Variants in KAZN observed in about 807,000 individuals in gnomAD.
The protein encoded by KAZN is kazrin.
KAZN carries 40 observed loss-of-function variants against 87.4 expected under a neutral mutation model. The ratio of observed to expected loss-of-function variants is 0.46; its 90% CI spans 0.36 to 0.60. The LOEUF is 0.60. Ranked by LOEUF, KAZN falls within the 20% of genes least tolerant of loss-of-function variation. The pLI is 0.00. For missense variants in KAZN, 898 were observed against 1,073.9 expected, an observed-to-expected ratio of 0.84 and a Z score of 2.29; for synonymous variants, 466 against 458.3, an observed-to-expected ratio of 1.02 and a Z score of -0.22.
chr1:14,705,668 C>T (rs1271059876), intron 1 of KAZN, among the ~76,000 whole-genome samples: 1 of 152,090 alleles, frequency 6.6e-6, no homozygotes, highest in African/African-American at 2.4e-5. Flanking sequence ...TTAAGTGAAA[C>T]AAGCCAGGAA....
intron 1 of KAZN, among the ~76,000 whole-genome samples, chr1:14,057,116 C>CT (rs1448488269): frequency 1.3e-4 from 19 of 147,422 alleles, no homozygotes; most frequent in South Asian, 6.4e-4. Context: ...GTTTAACATT[C>CT]TTTTTTTTGT....
chr1:14,205,884 CAAAA>C (rs70997121), intron 2 of KAZN, among the ~76,000 whole-genome samples: 6 of 35,212 alleles, frequency 1.7e-4, no homozygotes, highest in South Asian at 1.8e-3. Context: ...GACACTGTCT[CAAAA>C]AAAAAAAAAA....
intron 2 of KAZN, among the ~76,000 whole-genome samples, chr1:14,302,552 T>TCTGG (rs1654625636): frequency 6.6e-6 from 1 of 152,174 alleles, no homozygotes; most frequent in African/African-American, 2.4e-5. Flanking sequence ...ACTCTAAGAA[T>TCTGG]AAAGGTTAGA....
intron 1 of KAZN, among the ~76,000 whole-genome samples, chr1:14,138,884 T>A (rs907505508): frequency 2.2e-4 from 34 of 151,960 alleles, no homozygotes; most frequent in African/African-American, 7.7e-4. Context: ...TAAGAATGGA[T>A]CTAGTTTTAC....
chr1:14,029,015 T>C (rs1641206473), intron 1 of KAZN, among the ~76,000 whole-genome samples: 1 of 151,990 alleles, frequency 6.6e-6, no homozygotes. Flanking sequence ...GGTCAAATGG[T>C]ATTTCTAATT....
At chr1:13,926,584 T>A (rs960945718) in intron 1 of KAZN, among the ~76,000 whole-genome samples, 6 of 150,918 alleles carry the variant, frequency 4.0e-5, no homozygotes, top group African/African-American at 1.2e-4. Flanking sequence ...AGCTTACAGG[T>A]CCTTGTTATT....
At chr1:14,811,981 C>A (rs1646424753) in intron 1 of KAZN, among the ~76,000 whole-genome samples, 2 of 152,160 alleles carry the variant, frequency 1.3e-5, no homozygotes, top group African/African-American at 4.8e-5. Flanking sequence ...CTGCCCTCTG[C>A]AGATGGTGAT....
intron 2 of KAZN, among the ~76,000 whole-genome samples, chr1:14,410,260 T>C (rs1036379153): frequency 5.9e-5 from 9 of 152,174 alleles, no homozygotes; most frequent in African/African-American, 1.9e-4. Context: ...CATGCCACGA[T>C]GCCCAGCTAA....
chr1:14,208,701 G>A (rs1415794865), intron 2 of KAZN, among the ~76,000 whole-genome samples: 1 of 152,192 alleles, frequency 6.6e-6, no homozygotes. Flanking sequence ...GCTGCAGCAT[G>A]GATATAATTT....
At chr1:14,039,198 A>G (rs974315703) in intron 1 of KAZN, among the ~76,000 whole-genome samples, 1 of 151,944 alleles carries the variant, frequency 6.6e-6, no homozygotes, top group African/African-American at 2.4e-5. Flanking sequence ...AGTAGGAATT[A>G]AAGTAATAGC....
chr1:14,962,127 T>C (rs1663943062), intron 2 of KAZN, among the ~76,000 whole-genome samples: 2 of 152,344 alleles, frequency 1.3e-5, no homozygotes, highest in Non-Finnish European at 1.5e-5. Flanking sequence ...GAGAGCCAAT[T>C]CCCTGACAAG....
chr1:13,897,433 GTT>G (rs1226890648), intron 1 of KAZN, among the ~76,000 whole-genome samples: 6 of 152,190 alleles, frequency 3.9e-5, no homozygotes, highest in Middle Eastern at 3.4e-3. Context: ...TGGTGCTGTG[GTT>G]TTCTCATGTT....
At chr1:14,904,822 T>C (rs1459000993) in intron 1 of KAZN, among the ~76,000 whole-genome samples, 2 of 151,840 alleles carry the variant, frequency 1.3e-5, no homozygotes, top group Non-Finnish European at 2.9e-5. Flanking sequence ...GATGCAGTGG[T>C]GCGATCTCCA....
chr1:13,997,750 T>C (rs960272203), intron 1 of KAZN, among the ~76,000 whole-genome samples: 1 of 151,588 alleles, frequency 6.6e-6, no homozygotes, highest in Admixed American at 6.6e-5. Flanking sequence ...TTGATTGGAG[T>C]ACTTGAAGGA....
At chr1:13,964,042 T>C in intron 1 of KAZN, among the ~76,000 whole-genome samples, 1 of 152,210 alleles carries the variant, frequency 6.6e-6, no homozygotes, top group East Asian at 1.9e-4. Context: ...GTCTCCCATT[T>C]GCAAGTGCTC....
intron 1 of KAZN, among the ~76,000 whole-genome samples, chr1:14,709,136 G>A (rs17376356): frequency 0.13 from 19,364 of 152,088 alleles, 1,539 homozygotes; most frequent in South Asian, 0.21. Context: ...CCACCCTAAC[G>A]GCACAGATGA....
At chr1:14,284,896 A>G (rs1431465850) in intron 2 of KAZN, among the ~76,000 whole-genome samples, 1 of 152,216 alleles carries the variant, frequency 6.6e-6, no homozygotes, top group Non-Finnish European at 1.5e-5. Flanking sequence ...TTACTCTTAC[A>G]AATCTTCCCT....
intron 2 of KAZN, among the ~76,000 whole-genome samples, chr1:14,256,236 T>C (rs1203372560): frequency 1.3e-5 from 2 of 152,200 alleles, no homozygotes; most frequent in Non-Finnish European, 2.9e-5. Flanking sequence ...GCAAATGGTA[T>C]TGCAACTCAC....
intron 1 of KAZN, among the ~76,000 whole-genome samples, chr1:14,855,540 C>G (rs1483347764): frequency 2.0e-5 from 3 of 152,192 alleles, no homozygotes; most frequent in African/African-American, 4.8e-5. Context: ...TGGGTCGGGT[C>G]ACTGATGTGA....
Sources: gnomAD v4.1 joint callset for allele counts (sites outside exome capture counted in the v4.1 genomes callset) on GRCh38, gnomAD v4.1.1 for gene constraint, MANE v1.5 for transcripts, NCBI Gene and HGNC (gene_info 2026-07-23, HGNC 2026-07-21) for gene names.